The following TMEM132D variants were observed in gnomAD, a reference collection of about 807,000 sequenced individuals.
TMEM132D encodes transmembrane protein 132D.
In TMEM132D, 21 loss-of-function variants were observed where a neutral mutation model predicts 62.3. The observed-to-expected ratio is 0.34, with a 90% CI of 0.24 to 0.49. The LOEUF is 0.49. TMEM132D is among the 20% of genes least tolerant of loss of function. The probability of loss-of-function intolerance (pLI) is 0.99; values close to 1 mark genes in which losing one functional copy is unlikely to be tolerated. For missense variants in TMEM132D, 1,346 were observed against 1,402.8 expected, an observed-to-expected ratio of 0.96 and a Z score of 0.65; for synonymous variants, 621 against 575.6, an observed-to-expected ratio of 1.08 and a Z score of -1.13.
At chr12:129,226,348 C>T (rs1013696032) in intron 4 of TMEM132D, among the ~76,000 whole-genome samples, 8 of 152,252 alleles carry the variant, frequency 5.3e-5, no homozygotes, top group African/African-American at 1.9e-4. Context: ...AGCATCTCTT[C>T]TCATGCACAC....
intron 1 of TMEM132D, among the ~76,000 whole-genome samples, chr12:129,799,000 T>C (rs1871653170): frequency 6.6e-6 from 1 of 152,212 alleles, no homozygotes. Context: ...ACGCAGTGGC[T>C]CACGCCTGTA....
At chr12:129,136,681 C>A (rs1565975357) in intron 5 of TMEM132D, among the ~76,000 whole-genome samples, 3 of 141,208 alleles carry the variant, frequency 2.1e-5, no homozygotes, top group East Asian at 4.4e-4. Flanking sequence ...ATCATCACTG[C>A]CATCATCATC....
In TMEM132D at chr12:129,314,314, G is replaced by A. The variant is rs187879362; in HGVS notation, c.1299+23320C>T. 1.2e-3 allele frequency among the ~76,000 whole-genome samples: 180 copies of A among 152,228 alleles called. 1 individual carries two copies. The highest frequency in any genetic ancestry group is 3.5e-3 in the Admixed American group (54 of 15,304). On this transcript the variant is annotated intron_variant, in intron 4 of 8. Transcript: ENST00000422113. ...TTTATAAGGTGAGAGATGAGGATCCGTTTCATTCTCCTAAAAGTGGCTAGC... is the reference window on the plus strand; with the variant it reads ...TTTATAAGGTGAGAGATGAGGATCCATTTCATTCTCCTAAAAGTGGCTAGC...
intron 2 of TMEM132D, among the ~76,000 whole-genome samples, chr12:129,605,589 A>ATATATATATATATATATATATC (rs1209037649): frequency 1.7e-5 from 1 of 58,824 alleles, no homozygotes; most frequent in Admixed American, 1.5e-4. Context: ...ATTAGGCATT[A>ATATATATATATATATATATATC]TATATATATA....
intron 2 of TMEM132D, among the ~76,000 whole-genome samples, chr12:129,690,058 C>T (rs1881026809): frequency 6.6e-6 from 1 of 152,106 alleles, no homozygotes; most frequent in Non-Finnish European, 1.5e-5. Context: ...AGTGATGAAT[C>T]ACAGCAATGC....
intron 3 of TMEM132D, among the ~76,000 whole-genome samples, chr12:129,415,301 G>T (rs190771083): frequency 6.6e-6 from 1 of 152,102 alleles, no homozygotes; most frequent in Admixed American, 6.6e-5. Flanking sequence ...AGTGTACAAG[G>T]CTTCCCTTTC....
intron 1 of TMEM132D, among the ~76,000 whole-genome samples, chr12:129,824,624 C>T (rs1048320436): frequency 6.6e-6 from 1 of 152,220 alleles, no homozygotes; most frequent in Non-Finnish European, 1.5e-5. Context: ...CATGCAAGGG[C>T]ACAGCAAGAA....
intron 1 of TMEM132D, among the ~76,000 whole-genome samples, chr12:129,776,012 A>G (rs1302269162): frequency 6.6e-6 from 1 of 152,144 alleles, no homozygotes; most frequent in East Asian, 1.9e-4. Context: ...TGAAAAAACA[A>G]GATTCAGCAA....
chr12:129,559,492 T>C (rs1877154980), intron 2 of TMEM132D, among the ~76,000 whole-genome samples: 1 of 152,232 alleles, frequency 6.6e-6, no homozygotes, highest in Non-Finnish European at 1.5e-5. Flanking sequence ...AAGACGCTGG[T>C]TATTTTTTCC....
intron 1 of TMEM132D, among the ~76,000 whole-genome samples, chr12:129,831,964 G>C (rs558075108): frequency 6.9e-6 from 1 of 144,434 alleles, no homozygotes; most frequent in Non-Finnish European, 1.5e-5. Flanking sequence ...CCACCTCCCG[G>C]GTTCCAGAGA....
intron 4 of TMEM132D, among the ~76,000 whole-genome samples, chr12:129,318,455 T>C (rs998520689): frequency 4.6e-5 from 7 of 152,188 alleles, no homozygotes; most frequent in African/African-American, 1.7e-4. Context: ...GGCTCCGGGC[T>C]GGTACTGGGG....
intron 3 of TMEM132D, among the ~76,000 whole-genome samples, chr12:129,338,207 TCCAAAGCCACAG>T (rs1869355594): frequency 6.6e-6 from 1 of 152,242 alleles, no homozygotes; most frequent in South Asian, 2.1e-4. Context: ...CATTGGATTT[TCCAAAGCCACAG>T]CCAGATTGAG....
intron 3 of TMEM132D, among the ~76,000 whole-genome samples, chr12:129,455,419 T>C (rs1873434348): frequency 6.6e-6 from 1 of 152,206 alleles, no homozygotes; most frequent in African/African-American, 2.4e-5. Context: ...TGAGATGATG[T>C]ATGTAGGATG....
intron 4 of TMEM132D, among the ~76,000 whole-genome samples, chr12:129,247,703 T>C (rs1880157699): frequency 6.6e-6 from 1 of 152,176 alleles, no homozygotes; most frequent in African/African-American, 2.4e-5. Context: ...CTGCTGTCCT[T>C]TCCCTTTGTA....
intron 5 of TMEM132D, among the ~76,000 whole-genome samples, chr12:129,174,991 T>A (rs1358760218): frequency 6.6e-6 from 1 of 152,240 alleles, no homozygotes; most frequent in African/African-American, 2.4e-5. Flanking sequence ...GTCAGATGGG[T>A]AGATTGCAAA....
chr12:129,476,872 G>A (rs1453579672), intron 3 of TMEM132D, among the ~76,000 whole-genome samples: 4 of 152,116 alleles, frequency 2.6e-5, no homozygotes, highest in Non-Finnish European at 4.4e-5. Flanking sequence ...AAATTCCTCC[G>A]ATAATCACAA....
At chr12:129,345,993 G>T (rs997415646) in intron 3 of TMEM132D, among the ~76,000 whole-genome samples, 4 of 152,114 alleles carry the variant, frequency 2.6e-5, no homozygotes, top group Non-Finnish European at 4.4e-5. Flanking sequence ...CTGCTGTTTG[G>T]AATAGTTTTA....
chr12:129,490,417 CCTTTCCTTTT>C (rs1174429783), intron 3 of TMEM132D, among the ~76,000 whole-genome samples: 3 of 111,992 alleles, frequency 2.7e-5, no homozygotes, highest in African/African-American at 1.4e-4. Context: ...ATCATAATTT[CCTTTCCTTTT>C]TTTTTTTTTT....
intron 1 of TMEM132D, among the ~76,000 whole-genome samples, chr12:129,719,154 G>A (rs967382377): frequency 1.3e-4 from 20 of 151,756 alleles, no homozygotes; most frequent in Non-Finnish European, 1.6e-4. Context: ...CAGCTACTTG[G>A]GGGGCTGAGT....
Sources: allele counts gnomAD v4.1 joint callset (sites outside exome capture counted in the v4.1 genomes callset), GRCh38; gene constraint gnomAD v4.1.1; transcripts MANE v1.5; gene names NCBI Gene and HGNC (gene_info 2026-07-23, HGNC 2026-07-21).